The following CDR2L variants were observed in gnomAD, a reference collection of about 807,000 sequenced individuals.
The protein encoded by CDR2L is cerebellar degeneration related protein 2 like.
CDR2L carries 19 observed loss-of-function variants against 36.1 expected under a neutral mutation model. The observed-to-expected ratio is 0.53, with a 90% CI of 0.37 to 0.77. The LOEUF (loss-of-function observed/expected upper bound fraction) is 0.77, where lower values mean the gene tolerates loss of function less well. Ranked by LOEUF, CDR2L falls within the 30% of genes least tolerant of loss-of-function variation. CDR2L has a pLI of 0.00. For missense variants in CDR2L, 575 were observed against 627.2 expected (o/e 0.92, Z 0.89); for synonymous variants, 285 against 280.4 (o/e 1.02, Z -0.16).
chr17:75,003,759 C>G lies in CDR2L; in HGVS notation c.1083C>G (p.His361Gln). The G allele has an allele frequency of 6.7e-7, 1 of 1,501,946 alleles. No homozygotes were observed. The highest frequency in any genetic ancestry group is 8.9e-7 in the Non-Finnish European group (1 of 1,122,598). The allele number at this position is 1,501,946 out of a possible 1,614,324, so 93.0% of individuals were successfully genotyped here. The change falls in exon 5 of 5, where the codon CAC becomes CAG. Residue 361 changes from histidine to glutamine, a missense_variant. Physicochemically the swap from His to Gln is conservative, Grantham distance 24. Coordinates refer to ENST00000337231, the MANE Select transcript of CDR2L (RefSeq NM_014603.3). ...TGCGGGAGGTGGACGAGCAGTACCACGCGCTGCTGGAGAAGTACGAGGAGC... is the reference window on the plus strand; with the variant it reads ...TGCGGGAGGTGGACGAGCAGTACCAGGCGCTGCTGGAGAAGTACGAGGAGC... ...SILREVDEQY[H>Q]ALLEKYEELL...
In CDR2L at chr17:75,004,185, C is replaced by T. The variant is rs939245460; in HGVS notation, c.*111C>T. 10 of 917,448 alleles carry T rather than the reference C, an allele frequency of 1.1e-5. No individual in the cohort carries two copies. Among genetic ancestry groups the T allele is most frequent in the Admixed American group, 5.8e-5 (2 of 34,618 alleles). 56.8% of individuals were successfully genotyped at this position (917,448 alleles called of 1,614,324 possible). A position where few individuals can be genotyped will look rare whatever the true frequency, so the allele number is the denominator to read the frequency against. Reference sequence around the variant, plus strand: ...CCTTTAGCGGCCTGCCACCACAGCACGCGGCCTCCTGATCCGGAAGCACGC... The same window carrying T: ...CCTTTAGCGGCCTGCCACCACAGCATGCGGCCTCCTGATCCGGAAGCACGC... On this transcript the variant is annotated 3_prime_UTR_variant, in exon 5 of 5. Transcript: ENST00000337231.
chr17:75,003,841 T>C lies in CDR2L; in HGVS notation c.1165T>C (p.Ser389Pro). Residue 389 changes from serine to proline, a missense_variant, in exon 5 of 5, where the codon TCG becomes CCG. Coordinates refer to ENST00000337231, the MANE Select transcript of CDR2L (RefSeq NM_014603.3). ...AGVRHAGVQTSRPISRDSSWR... is the reference protein window; with the variant it reads ...AGVRHAGVQTPRPISRDSSWR... The stretch of plus-strand genomic sequence containing the variant: ...AGTGCGGCACGCCGGCGTGCAGACC[T>C]CGCGCCCCATCTCCCGGGACAGCTC... The C allele has an allele frequency of 6.3e-7, 1 of 1,574,810 alleles. No homozygotes were observed. The highest frequency in any genetic ancestry group is 8.6e-7 in the Non-Finnish European group (1 of 1,161,380).
At position 74,987,979 on chromosome 17, in the gene CDR2L, T is replaced by C; in HGVS notation, c.-65T>C. 2 of 1,016,952 alleles carry C rather than the reference T, an allele frequency of 2.0e-6. No individual in the cohort carries two copies. The highest frequency in any genetic ancestry group is 2.4e-5 in the South Asian group (1 of 41,630). The allele number at this position is 1,016,952 out of a possible 1,614,324, so 63.0% of individuals were successfully genotyped here. A position where few individuals can be genotyped will look rare whatever the true frequency, so the allele number is the denominator to read the frequency against. ...GGCCCGGCCCGCCTCAGCCGCATTG[T>C]CCCGGGCCGCGCGCACCGGCCCTGA... On this transcript the variant is annotated 5_prime_UTR_variant, in exon 1 of 5. Transcript: ENST00000337231.
chr17:75,002,200 T>C lies in CDR2L; in HGVS notation c.478T>C (p.Cys160Arg). The C allele has an allele frequency of 6.2e-7, 1 of 1,610,184 alleles. No homozygotes were observed. Among genetic ancestry groups the C allele is most frequent in the Non-Finnish European group, 8.5e-7 (1 of 1,178,348 alleles). ...CAGGCGTACCATCCACACCTTCCCC[T>C]GCCTCAAGGAGCTGTGCACCAGCCC... ...ERRRTIHTFP[C>R]LKELCTSPRC... The change falls in exon 4 of 5, where the codon TGC (cysteine) becomes CGC (arginine). Residue 160 changes from cysteine (C) to arginine (R), a missense_variant. Coordinates refer to ENST00000337231, the MANE Select transcript of CDR2L (RefSeq NM_014603.3). This position sits in a 1 kb window ranked among gnomAD's most constrained non-coding sequence, Gnocchi z 4.1.
chr17:75,004,327 C>A lies in CDR2L; in HGVS notation c.*253C>A, dbSNP rs2039890375. On this transcript the variant is annotated 3_prime_UTR_variant, in exon 5 of 5. Transcript: ENST00000337231. ...GTTCAAAGCCAAATGTCCCCACTAC[C>A]CCAGGGATCCCCCAGCTCCCCCAGC... The A allele has an allele frequency of 2.4e-6, 1 of 425,334 alleles. No individual in the cohort carries two copies. The allele number at this position is 425,334 out of a possible 1,614,324, so 26.3% of individuals were successfully genotyped here. A position where few individuals can be genotyped will look rare whatever the true frequency, so the allele number is the denominator to read the frequency against.
At chr17:74,997,720 C>T (rs2039838715) in intron 1 of CDR2L, among the ~76,000 whole-genome samples, 1 of 151,742 alleles carries the variant, frequency 6.6e-6, no homozygotes, top group Non-Finnish European at 1.5e-5. Flanking sequence ...GACCCTGTCT[C>T]TACAAAAAAA....
rs749508718 is a variant in CDR2L at position 75,003,257 on chromosome 17, G to A, written c.581G>A (p.Arg194Gln). Residue 194 changes from arginine (R) to glutamine (Q), a missense_variant, in exon 5 of 5, where the codon CGG (arginine) becomes CAG (glutamine). Coordinates refer to ENST00000337231, the MANE Select transcript of CDR2L (RefSeq NM_014603.3). Reference protein sequence around the residue: ...GPRPLEQENERLQTLVGALRS... With the variant: ...GPRPLEQENEQLQTLVGALRS... The stretch of plus-strand genomic sequence containing the variant: ...CGGCCCCTGGAGCAGGAGAACGAGC[G>A]GCTGCAGACCCTGGTGGGGGCGCTG... 1.1e-5 allele frequency: 17 copies of A among 1,560,552 alleles called. No homozygotes were observed. The East Asian group carries it at 2.9e-4, about 26-fold the overall frequency.
In CDR2L at chr17:74,987,796, C is replaced by A; in HGVS notation, c.-248C>A. The A allele has an allele frequency of 4.5e-6, 1 of 220,318 alleles. No individual in the cohort carries two copies. The allele number at this position is 220,318 out of a possible 1,614,324, so 13.6% of individuals were successfully genotyped here. The stretch of plus-strand genomic sequence containing the variant: ...TGTCCCACCCGCCGTCCCTGCCACT[C>A]CACCCTTTGTGTCGCCGCAGCCCGG... On this transcript the variant is annotated 5_prime_UTR_variant, in exon 1 of 5. Coordinates refer to ENST00000337231, the MANE Select transcript of CDR2L (RefSeq NM_014603.3).
chr17:74,989,532 C>T lies in CDR2L; in HGVS notation c.79+1410C>T, dbSNP rs1427443057. The stretch of plus-strand genomic sequence containing the variant: ...TATTAGGCTCCCCTTAAGTACCAGA[C>T]ACCATCCTGGGAGCTAGGAATAGTC... On this transcript the variant is annotated intron_variant, in intron 1 of 4. Transcript: ENST00000337231. The surrounding 1 kb of genome is among the most constrained non-coding windows in gnomAD (Gnocchi z 4.2). Among the ~76,000 whole-genome samples, 1 of 152,108 alleles carries T rather than the reference C, an allele frequency of 6.6e-6. No individual in the cohort carries two copies. Among genetic ancestry groups the T allele is most frequent in the Non-Finnish European group, 1.5e-5 (1 of 68,044 alleles).
At chr17:75,000,440 G>A (rs1233905881) in intron 2 of CDR2L, among the ~76,000 whole-genome samples, 1 of 150,432 alleles carries the variant, frequency 6.6e-6, no homozygotes, top group Non-Finnish European at 1.5e-5. Flanking sequence ...GGGACTACAG[G>A]CGCCCACCAC....
Position 74,989,373 on chromosome 17 carries a change from CAGCCTCCTTGGCTGA to C in CDR2L, c.79+1253_79+1267del, listed in dbSNP as rs1295408061. Among the ~76,000 whole-genome samples, 1 of 149,862 alleles carries C rather than the reference CAGCCTCCTTGGCTGA, an allele frequency of 6.7e-6. No homozygotes were observed. Among genetic ancestry groups the C allele is most frequent in the East Asian group, 2.0e-4 (1 of 5,108 alleles). ...TGGTCTGTGCCCTGGACTCTGGCCT[CAGCCTCCTTGGCTGA>C]AATGAGATACAGCTCCTCTCAAACA... On this transcript the variant is annotated intron_variant, in intron 1 of 4. Transcript: ENST00000337231. The surrounding 1 kb of genome is among the most constrained non-coding windows in gnomAD (Gnocchi z 4.2).
Position 75,002,364 on chromosome 17 carries a change from C to A in CDR2L, c.506+136C>A. 2.6e-6 allele frequency: 2 copies of A among 758,186 alleles called. No individual in the cohort carries two copies. The highest frequency in any genetic ancestry group is 4.2e-6 in the Non-Finnish European group (2 of 477,554). The allele number at this position is 758,186 out of a possible 1,614,324, so 47.0% of individuals were successfully genotyped here. A position where few individuals can be genotyped will look rare whatever the true frequency, so the allele number is the denominator to read the frequency against. On this transcript the variant is annotated intron_variant, in intron 4 of 4. Transcript: ENST00000337231. The surrounding 1 kb of genome is among the most constrained non-coding windows in gnomAD (Gnocchi z 4.1). The stretch of plus-strand genomic sequence containing the variant: ...GTCCTGTTGCTAATGACAGTCACAG[C>A]AGCTGGCGTTTACTGAGCCCTGGCT...
Position 75,001,423 on chromosome 17 carries a change from G to A in CDR2L, c.275G>A (p.Arg92Gln), listed in dbSNP as rs368590177. The A allele has an allele frequency of 3.4e-5, 54 of 1,607,818 alleles. No individual in the cohort carries two copies. Among genetic ancestry groups the A allele is most frequent in the Non-Finnish European group, 4.2e-5 (49 of 1,177,756 alleles). The change falls in exon 3 of 5, where the codon CGG (arginine) becomes CAG (glutamine). Residue 92 changes from arginine to glutamine, a missense_variant. Transcript: ENST00000337231. ...KVYEQLDLTA[R>Q]DLELTNHRLV... ...TATGAGCAGCTGGACCTGACAGCCC[G>A]GGACCTGGAGCTGACCAACCACAGG...
rs1224819040 is a variant in CDR2L at position 74,989,674 on chromosome 17, A to G, written c.79+1552A>G. ...TTTATTTATTTATTTATTTATTTTC[A>G]GACAGAGTCTCCCTCTGTCACCCAG... On this transcript the variant is annotated intron_variant, in intron 1 of 4. Coordinates refer to ENST00000337231, the MANE Select transcript of CDR2L (RefSeq NM_014603.3). The surrounding 1 kb of genome is among the most constrained non-coding windows in gnomAD (Gnocchi z 4.2). Among the ~76,000 whole-genome samples, 1 of 151,982 alleles carries G rather than the reference A, an allele frequency of 6.6e-6. No homozygotes were observed. Among genetic ancestry groups the G allele is most frequent in the Non-Finnish European group, 1.5e-5 (1 of 68,010 alleles).
At chr17:75,000,917 C>A (rs1567975349) in intron 2 of CDR2L, among the ~76,000 whole-genome samples, 6 of 149,622 alleles carry the variant, frequency 4.0e-5, no homozygotes, top group Non-Finnish European at 8.9e-5. Flanking sequence ...GACTCCGTCT[C>A]AAAAAAAATA....
chr17:74,999,105 G>A (rs1348154320), intron 1 of CDR2L, among the ~76,000 whole-genome samples: 2 of 152,114 alleles, frequency 1.3e-5, no homozygotes, highest in African/African-American at 2.4e-5. Flanking sequence ...CTCCTCACCC[G>A]CTAGTCTGGC....
intron 1 of CDR2L, among the ~76,000 whole-genome samples, chr17:74,996,650 C>T (rs1482232589): frequency 1.3e-5 from 2 of 151,826 alleles, no homozygotes; most frequent in African/African-American, 4.8e-5. Context: ...CCCCTAAAAA[C>T]AGACAGATTC....
intron 2 of CDR2L, 45 bp from the exon 3 acceptor site, chr17:75,001,296 C>G: frequency 6.4e-7 from 1 of 1,554,052 alleles, no homozygotes; most frequent in East Asian, 2.3e-5. Flanking sequence ...AGACATTTGC[C>G]CCTGCCCAAT....
chr17:74,992,905 T>G (rs2039804910), intron 1 of CDR2L, among the ~76,000 whole-genome samples: 2 of 152,230 alleles, frequency 1.3e-5, no homozygotes, highest in Non-Finnish European at 2.9e-5. Context: ...GATGTTGCAC[T>G]GCACTTGGCC....
Sources: allele counts gnomAD v4.1 joint callset (sites outside exome capture counted in the v4.1 genomes callset), GRCh38; gene constraint gnomAD v4.1.1; non-coding constraint Gnocchi (gnomAD v3.1); transcripts MANE v1.5; gene names NCBI Gene and HGNC (gene_info 2026-07-23, HGNC 2026-07-21).